ACTN1: variants seen among roughly 807,000 people sequenced by gnomAD.
ACTN1 encodes alpha-actinin-1.
In ACTN1, 30 loss-of-function variants were observed where a neutral mutation model predicts 119.6. The observed-to-expected ratio is 0.25, with a 90% CI of 0.19 to 0.34. The LOEUF (loss-of-function observed/expected upper bound fraction) is 0.34, where lower values mean the gene tolerates loss of function less well. Ranked by LOEUF, ACTN1 falls within the 10% of genes least tolerant of loss-of-function variation. The probability of loss-of-function intolerance (pLI) is 1.00; values close to 1 mark genes in which losing one functional copy is unlikely to be tolerated. For synonymous variants in ACTN1, 429 were observed against 472.6 expected, an observed-to-expected ratio of 0.91 and a Z score of 1.20; for missense variants, 764 against 1,223.4, an observed-to-expected ratio of 0.62 and a Z score of 5.60.
intron 9 of ACTN1, 137 bp downstream of exon 9, chr14:68,893,518 G>T: frequency 2.5e-6 from 2 of 794,604 alleles, no homozygotes; most frequent in Non-Finnish European, 3.9e-6. Flanking sequence ...ACAGAGCTCA[G>T]GCTGCCCTGG....
intron 16 of ACTN1, 29 bp from the exon 17 acceptor site, chr14:68,881,018 A>C: frequency 6.2e-7 from 1 of 1,611,446 alleles, no homozygotes; most frequent in South Asian, 1.1e-5. Context: ...GCACCTTGTC[A>C]GACCACCTCA....
rs1487684942 is a variant in ACTN1, at chr14:68,885,150, C to G, written c.1386-267G>C. ...GGCCAATGGCAGGGAGCCCTCGAGG[C>G]CCAACGAGAAAGCTCAGAACCAAGT... On this transcript the variant is annotated intron_variant, in intron 12 of 21. Coordinates refer to ENST00000394419, the MANE Select transcript of ACTN1 (RefSeq NM_001130004.2). This position sits in a 1 kb window ranked among gnomAD's most constrained non-coding sequence, Gnocchi z 5.6. Among the ~76,000 whole-genome samples, 1 of 152,148 alleles carries G rather than the reference C, an allele frequency of 6.6e-6. No homozygotes were observed. The highest frequency in any genetic ancestry group is 2.4e-5 in the African/African-American group (1 of 41,436).
At chr14:68,876,409 G>A (rs2030898726) in intron 21 of ACTN1, among the ~76,000 whole-genome samples, 1 of 151,486 alleles carries the variant, frequency 6.6e-6, no homozygotes, top group African/African-American at 2.4e-5. Context: ...GCTGCTCTGT[G>A]AGTCTTTTCT....
intron 6 of ACTN1, 127 bp from the exon 7 acceptor site, chr14:68,904,863 A>AG: frequency 1.4e-6 from 1 of 698,524 alleles, no homozygotes; most frequent in Non-Finnish European, 2.5e-6. Flanking sequence ...CTCGATCCTC[A>AG]GGGGACAGCT....
intron 3 of ACTN1, among the ~76,000 whole-genome samples, chr14:68,920,127 C>CATCAGTGA: frequency 6.6e-6 from 1 of 152,210 alleles, no homozygotes. Context: ...GATGGCGGAA[C>CATCAGTGA]CTTGAGGAAG....
Position 68,877,148 on chromosome 14 carries a change from G to A in ACTN1, c.2520C>T (p.Arg840=), listed in dbSNP as rs141539823. The A allele has an allele frequency of 2.2e-4, 349 of 1,614,164 alleles. No homozygotes were observed. Among genetic ancestry groups the A allele is most frequent in the African/African-American group, 1.3e-3 (100 of 75,036 alleles). Residue 840 remains arginine, a synonymous_variant, in exon 21 of 22, where the codon CGC becomes CGT. Coordinates refer to ENST00000394419, the MANE Select transcript of ACTN1 (RefSeq NM_001130004.2). The part of the protein sequence containing the change: ...TFQAFIDFMS[R]ETADTDTADQ... ...CTGCTGTATCTGTGTCGGCTGTCTC[G>A]CGGGACATGAAGTCAATGAAGGCCT...
chr14:68,885,561 G>T lies in ACTN1; in HGVS notation c.1249C>A (p.Leu417Met). The T allele has an allele frequency of 6.2e-7, 1 of 1,613,476 alleles. No homozygotes were observed. ...EAWTDGKEAM[L>M]RQKDYETATL... ...GCGGTCTCATAGTCCTTCTGTCGCA[G>T]CATGGCCTCTTTGCCTGGGTTGAGA... The change falls in exon 12 of 22, where the codon CTG (leucine) becomes ATG (methionine). Residue 417 changes from leucine to methionine, a missense_variant. By Grantham distance (15) the Leu-to-Met change is conservative (BLOSUM62 2). Transcript: ENST00000394419. This position sits in a 1 kb window ranked among gnomAD's most constrained non-coding sequence, Gnocchi z 5.6.
At chr14:68,935,983 G>C (rs2035483430) in intron 1 of ACTN1, among the ~76,000 whole-genome samples, 1 of 152,186 alleles carries the variant, frequency 6.6e-6, no homozygotes, top group Non-Finnish European at 1.5e-5. Context: ...GATGGGATCA[G>C]GAAACCTGGG....
chr14:68,972,478 A>G (rs1014197885), intron 1 of ACTN1, among the ~76,000 whole-genome samples: 1 of 152,152 alleles, frequency 6.6e-6, no homozygotes, highest in Non-Finnish European at 1.5e-5. Flanking sequence ...TTAGTTAATA[A>G]TTTCTTAGGT....
In ACTN1 at chr14:68,919,674, C is replaced by T. The variant is rs138192840; in HGVS notation, c.340+1332G>A. ...ATGCTGGAATCCATAAGGCACCTTG[C>T]GTGACCACCTTGGGCACTGGCCTGA... is the stretch of plus-strand genomic sequence containing the variant. On this transcript the variant is annotated intron_variant, in intron 3 of 21. Transcript: ENST00000394419. Among the ~76,000 whole-genome samples, 441 of 152,250 alleles carry T rather than the reference C, an allele frequency of 2.9e-3. 3 individuals carry two copies. Among genetic ancestry groups the T allele is most frequent in the African/African-American group, 9.9e-3 (412 of 41,544 alleles).
intron 1 of ACTN1, among the ~76,000 whole-genome samples, chr14:68,937,632 C>T (rs1401997709): frequency 6.6e-6 from 1 of 152,216 alleles, no homozygotes; most frequent in African/African-American, 2.4e-5. Context: ...AAGGGCTGTG[C>T]TCTGGCCAAG....
intron 11 of ACTN1, chr14:68,888,112 G>T (rs1244873330): frequency 3.2e-6 from 2 of 628,476 alleles, no homozygotes; most frequent in Non-Finnish European, 5.9e-6. Flanking sequence ...CGCGTGCCAG[G>T]TGTCTGCGGG....
chr14:68,954,621 C>T (rs375111279), intron 1 of ACTN1, among the ~76,000 whole-genome samples: 3 of 152,172 alleles, frequency 2.0e-5, no homozygotes, highest in African/African-American at 7.2e-5. Context: ...CCACCACACC[C>T]GGCCCATACA....
At chr14:68,955,142 G>T (rs1406739632) in intron 1 of ACTN1, among the ~76,000 whole-genome samples, 2 of 152,152 alleles carry the variant, frequency 1.3e-5, no homozygotes, top group East Asian at 3.9e-4. Context: ...TCTACCCTAT[G>T]AAGCTCCCAC....
intron 3 of ACTN1, among the ~76,000 whole-genome samples, chr14:68,918,791 C>T (rs965828111): frequency 7.2e-5 from 11 of 152,136 alleles, no homozygotes; most frequent in South Asian, 4.1e-4. Flanking sequence ...GCAGCACTGC[C>T]GACAGTAACA....
chr14:68,881,936 C>CTTTTTTTTTTTTTTTTTTT lies in ACTN1; in HGVS notation c.1953+503_1953+521dup, dbSNP rs781067137. Among the ~76,000 whole-genome samples, 119 of 58,370 alleles carry CTTTTTTTTTTTTTTTTTTT rather than the reference C, an allele frequency of 2.0e-3. 9 individuals are homozygous for CTTTTTTTTTTTTTTTTTTT. The highest frequency in any genetic ancestry group is 2.7e-3 in the Non-Finnish European group (89 of 33,032). 38.3% of individuals were successfully genotyped at this position (58,370 alleles called of 152,430 possible). A position where few individuals can be genotyped will look rare whatever the true frequency, so the allele number is the denominator to read the frequency against. On this transcript the variant is annotated intron_variant, in intron 16 of 21. Coordinates refer to ENST00000394419, the MANE Select transcript of ACTN1 (RefSeq NM_001130004.2). Reference sequence around the variant, plus strand: ...AGTATGGGACTTTCATAGGCAGCTTCTTTTTTTTTTTTTTTTTTTGACAGA... The same window carrying CTTTTTTTTTTTTTTTTTTT: ...AGTATGGGACTTTCATAGGCAGCTTCTTTTTTTTTTTTTTTTTTTTTTTTTTTTTTTTTTTTTTGACAGA...
At chr14:68,974,873 A>G (rs182304601) in intron 1 of ACTN1, among the ~76,000 whole-genome samples, 2 of 152,328 alleles carry the variant, frequency 1.3e-5, no homozygotes, top group African/African-American at 4.8e-5. Flanking sequence ...GACATAGCAC[A>G]TCTGTGACTA....
intron 1 of ACTN1, among the ~76,000 whole-genome samples, chr14:68,944,274 A>C (rs2140503843): frequency 6.6e-6 from 1 of 152,374 alleles, no homozygotes; most frequent in East Asian, 1.9e-4. Context: ...GGGGCCACCA[A>C]GCCGATGATG....
chr14:68,874,953 G>C lies in ACTN1; in HGVS notation c.2651C>G (p.Ala884Gly), dbSNP rs199901015. ...LPPDQAEYCI[A>G]RMAPYTGPDS... ...GGGGCCGGTGTAGGGGGCCATCCGC[G>C]CGATGCAGTACTCAGCCTGGTCGGG... The change falls in exon 22 of 22, where the codon GCG becomes GGG. Residue 884 changes from alanine (A) to glycine (G), a missense_variant. Ala to Gly is a moderately conservative substitution (Grantham distance 60). Transcript: ENST00000394419. 2 of 1,613,580 alleles carry C rather than the reference G, an allele frequency of 1.2e-6. No individual in the cohort carries two copies. Among genetic ancestry groups the C allele is most frequent in the Non-Finnish European group, 1.7e-6 (2 of 1,179,906 alleles).
Sources: gnomAD v4.1 joint callset for allele counts (sites outside exome capture counted in the v4.1 genomes callset) on GRCh38, gnomAD v4.1.1 for gene constraint, Gnocchi (gnomAD v3.1) non-coding constraint, MANE v1.5 for transcripts, NCBI Gene and HGNC (gene_info 2026-07-23, HGNC 2026-07-21) for gene names.